TMEM128: variants seen among roughly 807,000 people sequenced by gnomAD.
The protein encoded by TMEM128 is transmembrane protein 128.
TMEM128 carries 16 observed loss-of-function variants against 19.7 expected under a neutral mutation model. The ratio of observed to expected loss-of-function variants is 0.81; its 90% CI spans 0.55 to 1.23. The LOEUF (loss-of-function observed/expected upper bound fraction) is 1.23. TMEM128 is among the 50% of genes most tolerant of loss of function. The probability of loss-of-function intolerance (pLI) is 0.00; values close to 1 mark genes in which losing one functional copy is unlikely to be tolerated. For synonymous variants in TMEM128, 98 were observed against 75.8 expected (o/e 1.29, Z -1.52); for missense variants, 237 against 200.8 (o/e 1.18, Z -1.09).
At chr4:4,247,535 C>T in intron 1 of TMEM128, 2 of 1,612,034 alleles carry the variant, frequency 1.2e-6, no homozygotes, top group Non-Finnish European at 1.7e-6. Flanking sequence ...GCAACCACCA[C>T]TTACAATTTC....
chr4:4,243,120 C>T (rs1718028194), intron 2 of TMEM128, among the ~76,000 whole-genome samples: 1 of 152,136 alleles, frequency 6.6e-6, no homozygotes, highest in Non-Finnish European at 1.5e-5. Context: ...CGCTCTGTCG[C>T]CCAGGCTGGA....
intron 2 of TMEM128, among the ~76,000 whole-genome samples, chr4:4,243,236 T>C (rs983244503): frequency 1.4e-4 from 21 of 152,212 alleles, no homozygotes; most frequent in South Asian, 4.1e-4. Flanking sequence ...CCCGCCACCA[T>C]GCCCAGCTAA....
intron 1 of TMEM128, 185 bp downstream of exon 1, chr4:4,247,921 T>A: frequency 7.0e-7 from 1 of 1,429,646 alleles, no homozygotes; most frequent in Admixed American, 3.0e-5. Context: ...TCCAGAGAAT[T>A]CTGAAGCGCA....
At chr4:4,237,331 G>T (rs1282184516) in intron 4 of TMEM128, among the ~76,000 whole-genome samples, 1 of 152,012 alleles carries the variant, frequency 6.6e-6, no homozygotes, top group African/African-American at 2.4e-5. Context: ...TATATTGGAA[G>T]GTACAAATCC....
At chr4:4,238,586 T>C (rs1158480768) in intron 3 of TMEM128, among the ~76,000 whole-genome samples, 1 of 152,160 alleles carries the variant, frequency 6.6e-6, no homozygotes, top group Non-Finnish European at 1.5e-5. Flanking sequence ...GACATGATCT[T>C]ACCCTCATGG....
intron 1 of TMEM128, 48 bp downstream of exon 1, chr4:4,248,058 C>A: frequency 6.5e-7 from 1 of 1,529,782 alleles, no homozygotes. Context: ...GGCCGTTTTC[C>A]GACGCCTCGC....
chr4:4,239,828 A>C (rs557790866), intron 3 of TMEM128, among the ~76,000 whole-genome samples: 67 of 152,380 alleles, frequency 4.4e-4, no homozygotes, highest in South Asian at 3.9e-3. Context: ...CCATTTCTAT[A>C]AAGTTCAAAA....
In TMEM128 at chr4:4,237,850, T is replaced by C. The variant is rs761478714; in HGVS notation, c.484A>G (p.Thr162Ala). 1.2e-6 allele frequency: 2 copies of C among 1,612,432 alleles called. No homozygotes were observed. Among genetic ancestry groups the C allele is most frequent in the Non-Finnish European group, 1.7e-6 (2 of 1,178,872 alleles). Residue 162 changes from threonine to alanine, a missense_variant, in exon 4 of 5, where the codon ACA becomes GCA. Physicochemically the swap from Thr to Ala is moderately conservative, Grantham distance 58. Coordinates refer to ENST00000382753, the MANE Select transcript of TMEM128 (RefSeq NM_001297551.2). ...ACCTTCGGAAATCATCCAAGGAGTG[T>C]GATAAACATGACAACCCCCATAAAC... Reference protein sequence around the residue: ...TQFMGVVMFITLLG With the variant: ...TQFMGVVMFIALLG
At position 4,248,159 on chromosome 4, in the gene TMEM128, A is replaced by G. The variant is rs974680179; in HGVS notation, c.44T>C (p.Leu15Pro). The G allele has an allele frequency of 6.5e-7, 1 of 1,533,344 alleles. No homozygotes were observed. Among genetic ancestry groups the G allele is most frequent in the Non-Finnish European group, 8.8e-7 (1 of 1,141,412 alleles). The allele number at this position is 1,533,344 out of a possible 1,614,324, so 95.0% of individuals were successfully genotyped here. ...RARQQLRRRF[L>P]LLPDAEAQLD... ...CTGGGCCTCGGCGTCCGGCAGGAGG[A>G]GGAATCGCCGCCGGAGCTGCTGCCG... Residue 15 changes from leucine (L) to proline (P), a missense_variant, in exon 1 of 5, where the codon CTC (leucine) becomes CCC (proline). Leu to Pro is a moderately conservative substitution (Grantham distance 98). Transcript: ENST00000382753.
intron 3 of TMEM128, among the ~76,000 whole-genome samples, 175 bp from the exon 4 acceptor site, chr4:4,238,110 A>G (rs1717800964): frequency 6.6e-6 from 1 of 152,240 alleles, no homozygotes; most frequent in Non-Finnish European, 1.5e-5. Flanking sequence ...AAAACTCTAG[A>G]TATACTTAAA....
At chr4:4,238,861 C>T (rs1717830383) in intron 3 of TMEM128, among the ~76,000 whole-genome samples, 1 of 152,122 alleles carries the variant, frequency 6.6e-6, no homozygotes, top group African/African-American at 2.4e-5. Context: ...AGCGAAACCC[C>T]ATCTCTACAA....
rs1203711352 is a variant in TMEM128, at chr4:4,240,301, T to A, written c.398+20A>T. Reference sequence around the variant, plus strand: ...AAAATTTGTTGTTCATTCCTGTTAGTCATTTCAAAGTTAACTTACCAAATT... The same window carrying A: ...AAAATTTGTTGTTCATTCCTGTTAGACATTTCAAAGTTAACTTACCAAATT... On this transcript the variant is annotated intron_variant, in intron 3 of 4. Transcript: ENST00000382753. 1.2e-6 allele frequency: 2 copies of A among 1,612,208 alleles called. No homozygotes were observed. The highest frequency in any genetic ancestry group is 2.2e-5 in the East Asian group (1 of 44,850).
intron 4 of TMEM128, chr4:4,237,032 A>G (rs1717748680): frequency 2.2e-6 from 1 of 449,818 alleles, no homozygotes; most frequent in Non-Finnish European, 4.4e-6. Context: ...GACACTCAGA[A>G]AACAGCCTCC....
intron 4 of TMEM128, chr4:4,237,020 C>A (rs2980108): frequency 0.065 from 28,933 of 448,480 alleles, 3,519 homozygotes; most frequent in African/African-American, 0.32. Flanking sequence ...ACAGAGTTAT[C>A]CGACACTCAG....
At position 4,248,186 on chromosome 4, in the gene TMEM128, G is replaced by A. The variant is rs554865891; in HGVS notation, c.17C>T (p.Ala6Val). Residue 6 changes from alanine (A) to valine (V), a missense_variant, in exon 1 of 5, where the codon GCC (alanine) becomes GTC (valine). Ala to Val is a moderately conservative substitution (Grantham distance 64). Coordinates refer to ENST00000382753, the MANE Select transcript of TMEM128 (RefSeq NM_001297551.2). MDSSR[A>V]RQQLRRRFLL... ...GAATCGCCGCCGGAGCTGCTGCCGGGCCCGCGAGGAGTCCATCTTGGTACC... is the reference window on the plus strand; with the variant it reads ...GAATCGCCGCCGGAGCTGCTGCCGGACCCGCGAGGAGTCCATCTTGGTACC... 55 of 1,526,634 alleles carry A rather than the reference G, an allele frequency of 3.6e-5. No homozygotes were observed. In the Admixed American group the frequency reaches 5.5e-4, roughly 15 times the overall value. The allele number at this position is 1,526,634 out of a possible 1,614,324, so 94.6% of individuals were successfully genotyped here.
At chr4:4,245,241 A>G (rs570215328) in intron 2 of TMEM128, among the ~76,000 whole-genome samples, 2 of 152,304 alleles carry the variant, frequency 1.3e-5, no homozygotes, top group Admixed American at 6.5e-5. Context: ...TAAGGACCCT[A>G]GGATATGATT....
At chr4:4,239,841 G>A (rs1053135255) in intron 3 of TMEM128, among the ~76,000 whole-genome samples, 4 of 152,322 alleles carry the variant, frequency 2.6e-5, no homozygotes, top group East Asian at 3.9e-4. Flanking sequence ...GTTCAAAAGC[G>A]TAGCTGAAAC....
chr4:4,246,053 A>C, intron 2 of TMEM128, 149 bp downstream of exon 2: 4 of 721,238 alleles, frequency 5.5e-6, no homozygotes, highest in Non-Finnish European at 8.7e-6. Context: ...TTTGACCCCC[A>C]TCTCATATTC....
At chr4:4,243,823 C>G (rs1718059276) in intron 2 of TMEM128, among the ~76,000 whole-genome samples, 1 of 152,160 alleles carries the variant, frequency 6.6e-6, no homozygotes, top group South Asian at 2.1e-4. Context: ...CAGTTGCCCC[C>G]AAATATCTTA....
Sources: gnomAD v4.1 joint callset for allele counts (sites outside exome capture counted in the v4.1 genomes callset) on GRCh38, gnomAD v4.1.1 for gene constraint, MANE v1.5 for transcripts, NCBI Gene and HGNC (gene_info 2026-07-23, HGNC 2026-07-21) for gene names.